Variants in SLC15A4 observed in about 807,000 individuals in gnomAD.
SLC15A4 encodes the protein solute carrier family 15 member 4, also known as hPHT1.
A neutral mutation model predicts 46.1 loss-of-function variants in SLC15A4; 26 were observed. The ratio of observed to expected loss-of-function variants is 0.56; its 90% CI spans 0.41 to 0.78. The LOEUF (loss-of-function observed/expected upper bound fraction) is 0.78, where lower values mean the gene tolerates loss of function less well. SLC15A4 is among the 30% of genes least tolerant of loss of function. The pLI is 0.00. For missense variants in SLC15A4, 751 were observed against 755.7 expected (o/e 0.99, Z 0.07); for synonymous variants, 370 against 333.4 (o/e 1.11, Z -1.20).
In SLC15A4 at chr12:128,810,533, T is replaced by C. The variant is rs1955643593; in HGVS notation, c.843-422A>G. 2.0e-5 allele frequency among the ~76,000 whole-genome samples: 3 copies of C among 152,196 alleles called. No homozygotes were observed. The South Asian group carries it at 6.2e-4, about 31-fold the overall frequency. On this transcript the variant is annotated intron_variant, in intron 2 of 7. Transcript: ENST00000266771. ...GAAAAAATGCACTGGATTGTGTGAATTTTTAATCAGCTAATTTATCAAACA... is the reference window on the plus strand; with the variant it reads ...GAAAAAATGCACTGGATTGTGTGAACTTTTAATCAGCTAATTTATCAAACA...
rs1555252012 is a variant in SLC15A4 at position 128,799,388 on chromosome 12, T to C, written c.1444A>G (p.Lys482Glu). 6.2e-7 allele frequency: 1 copy of C among 1,614,076 alleles called. No individual in the cohort carries two copies. The highest frequency in any genetic ancestry group is 1.1e-5 in the South Asian group (1 of 91,070). Residue 482 changes from lysine to glutamate, a missense_variant, in exon 7 of 8, where the codon AAG becomes GAG. Lys to Glu is a moderately conservative substitution (Grantham distance 56). Transcript: ENST00000266771. Reference sequence around the variant, plus strand: ...CCCATTATGGCACTCTGCATGGACTTGGGGGCAGCTGAGTATGCAAATTCC... The same window carrying C: ...CCCATTATGGCACTCTGCATGGACTCGGGGGCAGCTGAGTATGCAAATTCC... Reference protein sequence around the residue: ...GLEFAYSAAPKSMQSAIMGLF... With the variant: ...GLEFAYSAAPESMQSAIMGLF...
intron 5 of SLC15A4, among the ~76,000 whole-genome samples, chr12:128,802,081 C>A (rs1955524367): frequency 6.6e-6 from 1 of 152,186 alleles, no homozygotes; most frequent in Non-Finnish European, 1.5e-5. Context: ...ATCAGAAAAC[C>A]TGCAGCCCCA....
intron 1 of SLC15A4, among the ~76,000 whole-genome samples, chr12:128,817,047 C>T (rs12311303): frequency 0.097 from 14,792 of 152,210 alleles, 962 homozygotes; most frequent in Admixed American, 0.2. Context: ...TAAGCATGGC[C>T]ACTATGGTGG....
rs752812345 is a variant in SLC15A4 at position 128,799,377 on chromosome 12, C to G, written c.1455G>C (p.Gln485His). The G allele has an allele frequency of 5.6e-6, 9 of 1,614,068 alleles. No individual in the cohort carries two copies. Among genetic ancestry groups the G allele is most frequent in the African/African-American group, 1.3e-5 (1 of 74,926 alleles). ...FAYSAAPKSM[Q>H]SAIMGLFFFF... ...AAAAGAACAAGCCCATTATGGCACT[C>G]TGCATGGACTTGGGGGCAGCTGAGT... The change falls in exon 7 of 8, where the codon CAG becomes CAC. Residue 485 changes from glutamine (Q) to histidine (H), a missense_variant. Gln to His is a conservative substitution (Grantham distance 24). Transcript: ENST00000266771.
chr12:128,810,356 T>G, intron 2 of SLC15A4: 1 of 464,158 alleles, frequency 2.2e-6, no homozygotes, highest in Non-Finnish European at 3.9e-6. Flanking sequence ...ACTGTAATTT[T>G]GGCGTGGCTG....
intron 5 of SLC15A4, among the ~76,000 whole-genome samples, chr12:128,805,034 G>C (rs1955567060): frequency 6.6e-6 from 1 of 152,158 alleles, no homozygotes; most frequent in African/African-American, 2.4e-5. Context: ...AACAGACAGG[G>C]TTTGTCTTCT....
Position 128,809,388 on chromosome 12 carries a change from G to A in SLC15A4, c.1089+8C>T, listed in dbSNP as rs148819822. 2.2e-5 allele frequency: 35 copies of A among 1,563,752 alleles called. No homozygotes were observed. In the East Asian group the frequency reaches 7.4e-4, roughly 33 times the overall value. Reference sequence around the variant, plus strand: ...TAACAATGTTCAGATCATTACAATTGTTCTTACCGTGTGAGGAGTGGTTGT... The same window carrying A: ...TAACAATGTTCAGATCATTACAATTATTCTTACCGTGTGAGGAGTGGTTGT... On this transcript the variant is annotated splice_region_variant and intron_variant, in intron 4 of 7. Transcript: ENST00000266771.
At chr12:128,799,785 A>G (rs1189555223) in intron 6 of SLC15A4, among the ~76,000 whole-genome samples, 1 of 152,240 alleles carries the variant, frequency 6.6e-6, no homozygotes, top group Non-Finnish European at 1.5e-5. Flanking sequence ...TTGAAAACAA[A>G]GTACACACAC....
rs140396942 is a variant in SLC15A4 at position 128,822,847 on chromosome 12, TTTTA to T, written c.546+547_546+550del. Among the ~76,000 whole-genome samples the T allele has an allele frequency of 1.0e-2, 1,515 of 151,726 alleles. 27 individuals carry two copies. The highest frequency in any genetic ancestry group is 0.034 in the African/African-American group (1,385 of 41,300). ...CACTGCGCTCAGCGTATTTTTTAAA[TTTTA>T]TTTATTTATTTTTTTGAGGTGGGGT... On this transcript the variant is annotated intron_variant, in intron 1 of 7. Transcript: ENST00000266771.
intron 3 of SLC15A4, 156 bp from the exon 4 acceptor site, chr12:128,809,629 T>C: frequency 1.7e-6 from 1 of 596,690 alleles, no homozygotes. Flanking sequence ...GGTCAATGAT[T>C]TGGTCATCGT....
chr12:128,799,932 C>T (rs752205687), intron 6 of SLC15A4, among the ~76,000 whole-genome samples: 23 of 152,108 alleles, frequency 1.5e-4, no homozygotes, highest in Non-Finnish European at 2.5e-4. Context: ...ACTTCCGCCT[C>T]CCTGGTTCAA....
rs1361252517 is a variant in SLC15A4, at chr12:128,794,239, T to G, written c.1691A>C (p.Gln564Pro). 2.7e-5 allele frequency: 43 copies of G among 1,613,820 alleles called. No individual in the cohort carries two copies. The highest frequency in any genetic ancestry group is 3.6e-5 in the Non-Finnish European group (43 of 1,179,894). The change falls in exon 8 of 8, where the codon CAG becomes CCG. Residue 564 changes from glutamine to proline, a missense_variant. Gln to Pro is a moderately conservative substitution (Grantham distance 76). Transcript: ENST00000266771. ...SVKYDHHRDHQRSRANGVPTS... is the reference protein window; with the variant it reads ...SVKYDHHRDHPRSRANGVPTS... Reference sequence around the variant, plus strand: ...GGGCACGCCATTGGCTCTTGATCGCTGATGGTCTCGATGATGGTCATATTT... The same window carrying G: ...GGGCACGCCATTGGCTCTTGATCGCGGATGGTCTCGATGATGGTCATATTT...
At chr12:128,798,048 G>A (rs1229896289) in intron 7 of SLC15A4, among the ~76,000 whole-genome samples, 1 of 152,238 alleles carries the variant, frequency 6.6e-6, no homozygotes, top group East Asian at 1.9e-4. Flanking sequence ...CAGAAATGAT[G>A]AATGAAAGGT....
chr12:128,818,573 G>A (rs758652960), intron 1 of SLC15A4, among the ~76,000 whole-genome samples: 5 of 152,204 alleles, frequency 3.3e-5, no homozygotes, highest in Admixed American at 6.5e-5. Context: ...ACCTGGTCAC[G>A]GGCAAGCACC....
At chr12:128,823,159 G>A (rs867243171) in intron 1 of SLC15A4, among the ~76,000 whole-genome samples, 28 of 152,208 alleles carry the variant, frequency 1.8e-4, no homozygotes, top group South Asian at 6.2e-4. Context: ...TAAAGCCACT[G>A]TGGCCATCAC....
In SLC15A4 at chr12:128,809,463, G is replaced by C; in HGVS notation, c.1022C>G (p.Thr341Arg). 6.2e-7 allele frequency: 1 copy of C among 1,605,276 alleles called. No individual in the cohort carries two copies. The highest frequency in any genetic ancestry group is 8.5e-7 in the Non-Finnish European group (1 of 1,175,472). ...CAAATGAAGACTCTGTAAAACATAT[G>C]TTGTCTGCATCTAGGTATAAAAAAC... ...YWTVYFQMQT[T>R]YVLQSLHLRI... Residue 341 changes from threonine to arginine, a missense_variant, in exon 4 of 8, where the codon ACA becomes AGA. Thr to Arg is a moderately conservative substitution (Grantham distance 71). Transcript: ENST00000266771.
Position 128,823,681 on chromosome 12 carries a change from C to G in SLC15A4, c.263G>C (p.Gly88Ala). ...GGCCAGCCAGCCTCCGAACGGCGAG[C>G]CCAGGTAGGTGAGGCCCATGAAGAG... is the stretch of plus-strand genomic sequence containing the variant. ...LLLFMGLTYL[G>A]SPFGGWLADA... Residue 88 changes from glycine (G) to alanine (A), a missense_variant, in exon 1 of 8, where the codon GGC (glycine) becomes GCC (alanine). Gly to Ala is a moderately conservative substitution (Grantham distance 60, BLOSUM62 0). Coordinates refer to ENST00000266771, the MANE Select transcript of SLC15A4 (RefSeq NM_145648.4). The G allele has an allele frequency of 2.0e-6, 3 of 1,508,330 alleles. No homozygotes were observed. The highest frequency in any genetic ancestry group is 2.6e-6 in the Non-Finnish European group (3 of 1,135,114). 93.4% of individuals were successfully genotyped at this position (1,508,330 alleles called of 1,614,324 possible). A position where few individuals can be genotyped will look rare whatever the true frequency, so the allele number is the denominator to read the frequency against.
At chr12:128,806,510 A>G (rs1247426689) in intron 5 of SLC15A4, among the ~76,000 whole-genome samples, 2 of 152,170 alleles carry the variant, frequency 1.3e-5, no homozygotes, top group Non-Finnish European at 2.9e-5. Context: ...TCAAATCTCT[A>G]CTCAAAGACC....
chr12:128,812,733 C>A (rs373884502), intron 2 of SLC15A4, among the ~76,000 whole-genome samples: 2 of 152,128 alleles, frequency 1.3e-5, no homozygotes, highest in Admixed American at 6.5e-5. Flanking sequence ...CAGGCCCCAC[C>A]GTGAGCCCAT....
Sources: gnomAD v4.1 joint callset for allele counts (sites outside exome capture counted in the v4.1 genomes callset) on GRCh38, gnomAD v4.1.1 for gene constraint, MANE v1.5 for transcripts, NCBI Gene and HGNC (gene_info 2026-07-23, HGNC 2026-07-21) for gene names.